AGBL4: variants seen among roughly 807,000 people sequenced by gnomAD.
AGBL4 encodes the protein cytosolic carboxypeptidase 6.
In AGBL4, 58 loss-of-function variants were observed where a neutral mutation model predicts 66.4. That is an observed-to-expected ratio of 0.87 (90% confidence interval 0.71 to 1.09). AGBL4 has a LOEUF of 1.09. Among genes scored for constraint, AGBL4 ranks in the 50% least tolerant of loss-of-function variants. The pLI is 0.00. For synonymous variants in AGBL4, 234 were observed against 222.9 expected, an observed-to-expected ratio of 1.05 and a Z score of -0.44; for missense variants, 579 against 631.0, an observed-to-expected ratio of 0.92 and a Z score of 0.88.
intron 6 of AGBL4, among the ~76,000 whole-genome samples, chr1:48,778,510 G>T (rs1162755885): frequency 1.3e-5 from 2 of 152,118 alleles, no homozygotes; most frequent in Non-Finnish European, 2.9e-5. Flanking sequence ...GGAGGTGTTG[G>T]ACTCAATTAA....
intron 3 of AGBL4, among the ~76,000 whole-genome samples, chr1:49,311,831 A>G (rs1462841600): frequency 3.3e-5 from 5 of 152,070 alleles, no homozygotes; most frequent in Non-Finnish European, 5.9e-5. Flanking sequence ...ATGTTCAAAT[A>G]ATAAAATATA....
intron 8 of AGBL4, among the ~76,000 whole-genome samples, chr1:48,635,532 T>C (rs1016184254): frequency 3.3e-5 from 5 of 152,168 alleles, no homozygotes; most frequent in Non-Finnish European, 7.4e-5. Context: ...GCCCCCATGG[T>C]ATGCAGAGGA....
At chr1:49,597,514 A>C (rs558619787) in intron 3 of AGBL4, among the ~76,000 whole-genome samples, 1 of 152,226 alleles carries the variant, frequency 6.6e-6, no homozygotes, top group Non-Finnish European at 1.5e-5. Context: ...AAGAAATTGC[A>C]TTTGGGAAGA....
At chr1:48,646,987 TGG>T in intron 8 of AGBL4, among the ~76,000 whole-genome samples, 1 of 152,314 alleles carries the variant, frequency 6.6e-6, no homozygotes, top group South Asian at 2.1e-4. Context: ...GGGTTCTTAT[TGG>T]CAAGAACTGC....
intron 2 of AGBL4, among the ~76,000 whole-genome samples, chr1:49,823,484 C>A (rs1645421564): frequency 6.6e-6 from 1 of 152,046 alleles, no homozygotes; most frequent in Non-Finnish European, 1.5e-5. Flanking sequence ...AATAATAGAC[C>A]AGTTTTCAAG....
intron 4 of AGBL4, among the ~76,000 whole-genome samples, chr1:49,193,856 T>C (rs1236808379): frequency 6.6e-6 from 1 of 152,200 alleles, no homozygotes; most frequent in East Asian, 1.9e-4. Context: ...CTAAGTTTAT[T>C]CTTCTGTGGT....
chr1:48,798,896 A>G (rs1315133251), intron 6 of AGBL4, among the ~76,000 whole-genome samples: 1 of 152,128 alleles, frequency 6.6e-6, no homozygotes, highest in East Asian at 1.9e-4. Context: ...TTATATCAGT[A>G]CCATGCTGTA....
intron 4 of AGBL4, among the ~76,000 whole-genome samples, chr1:49,148,770 G>A (rs955998370): frequency 3.3e-5 from 5 of 152,142 alleles, no homozygotes; most frequent in African/African-American, 7.2e-5. Context: ...CAGGGTGTTC[G>A]CAATCTTTCT....
chr1:49,573,565 GA>G (rs1402675192), intron 3 of AGBL4, among the ~76,000 whole-genome samples: 1 of 152,122 alleles, frequency 6.6e-6, no homozygotes, highest in Non-Finnish European at 1.5e-5. Context: ...AGTAATGAAA[GA>G]AAATAATGAA....
chr1:49,409,473 A>T (rs1645273044), intron 3 of AGBL4, among the ~76,000 whole-genome samples: 1 of 152,128 alleles, frequency 6.6e-6, no homozygotes, highest in African/African-American at 2.4e-5. Flanking sequence ...ATGGAAGTAT[A>T]TAATTTGTAT....
intron 4 of AGBL4, among the ~76,000 whole-genome samples, chr1:49,151,309 T>C (rs956706593): frequency 2.7e-5 from 4 of 149,982 alleles, no homozygotes; most frequent in African/African-American, 9.8e-5. Flanking sequence ...TGTATATGTA[T>C]ACACACACAC....
chr1:49,593,806 G>A (rs1352880365), intron 3 of AGBL4, among the ~76,000 whole-genome samples: 3 of 152,058 alleles, frequency 2.0e-5, no homozygotes, highest in African/African-American at 7.2e-5. Context: ...CACATAGTAA[G>A]TGCTCTAAAA....
At chr1:48,985,339 G>A (rs977368660) in intron 5 of AGBL4, among the ~76,000 whole-genome samples, 2 of 151,974 alleles carry the variant, frequency 1.3e-5, no homozygotes, top group Non-Finnish European at 2.9e-5. Flanking sequence ...AGAGGACAGA[G>A]TAGAAGACAG....
At chr1:49,880,669 G>T (rs947106165) in intron 1 of AGBL4, among the ~76,000 whole-genome samples, 4 of 152,180 alleles carry the variant, frequency 2.6e-5, no homozygotes, top group Admixed American at 2.6e-4. Flanking sequence ...AAGCCTCCTT[G>T]ACCTGTGGTG....
At chr1:49,051,658 C>T (rs1170886022) in intron 4 of AGBL4, among the ~76,000 whole-genome samples, 1 of 152,148 alleles carries the variant, frequency 6.6e-6, no homozygotes, top group Non-Finnish European at 1.5e-5. Context: ...TGATGTCTGG[C>T]ATAGCCAGGG....
At chr1:49,257,629 G>T (rs548413230) in intron 3 of AGBL4, among the ~76,000 whole-genome samples, 2 of 152,334 alleles carry the variant, frequency 1.3e-5, no homozygotes, top group South Asian at 2.1e-4. Context: ...CCCGAGTGAG[G>T]CAATGCCTCG....
intron 2 of AGBL4, among the ~76,000 whole-genome samples, chr1:49,704,176 T>C (rs1647157044): frequency 6.6e-6 from 1 of 152,086 alleles, no homozygotes; most frequent in Non-Finnish European, 1.5e-5. Flanking sequence ...GATTATCTCA[T>C]TCTACATTGT....
chr1:49,204,958 AGTT>A (rs1557727219), intron 4 of AGBL4, among the ~76,000 whole-genome samples: 1 of 152,110 alleles, frequency 6.6e-6, no homozygotes, highest in African/African-American at 2.4e-5. Flanking sequence ...AGTGATTGGC[AGTT>A]GTTGTCTCCT....
At chr1:48,695,855 G>T (rs1009250793) in intron 6 of AGBL4, among the ~76,000 whole-genome samples, 1 of 152,106 alleles carries the variant, frequency 6.6e-6, no homozygotes, top group Non-Finnish European at 1.5e-5. Flanking sequence ...GTAAGTACTA[G>T]CCTAGACCAC....
Sources: allele counts gnomAD v4.1 joint callset (sites outside exome capture counted in the v4.1 genomes callset), GRCh38; gene constraint gnomAD v4.1.1; transcripts MANE v1.5; gene names NCBI Gene and HGNC (gene_info 2026-07-23, HGNC 2026-07-21).